The following SLC12A1 variants were observed in gnomAD, a reference collection of about 807,000 sequenced individuals.
SLC12A1 encodes Na-K-2Cl cotransporter.
In SLC12A1, 89 loss-of-function variants were observed where a neutral mutation model predicts 130.4. The observed-to-expected ratio is 0.68, with a 90% confidence interval of 0.58 to 0.81. SLC12A1 has a LOEUF of 0.81. Ranked by LOEUF, SLC12A1 falls within the 40% of genes least tolerant of loss-of-function variation. SLC12A1 has a pLI of 0.00. For missense variants in SLC12A1, 1,310 were observed against 1,336.4 expected (o/e 0.98, Z 0.31); for synonymous variants, 499 against 460.0 (o/e 1.08, Z -1.09).
chr15:48,252,703 A>T (rs1235859671), intron 15 of SLC12A1, among the ~76,000 whole-genome samples: 12 of 150,720 alleles, frequency 8.0e-5, no homozygotes, highest in Admixed American at 7.2e-4. Context: ...GGGGTTTTTT[A>T]AATTAAAAAA....
intron 14 of SLC12A1, among the ~76,000 whole-genome samples, chr15:48,250,802 C>G (rs1193892303): frequency 6.6e-6 from 1 of 152,024 alleles, no homozygotes; most frequent in East Asian, 1.9e-4. Context: ...AAATTGCTCC[C>G]AAACACTTAA....
intron 9 of SLC12A1, among the ~76,000 whole-genome samples, chr15:48,240,010 C>CATATATATATAT: frequency 1.0e-5 from 1 of 96,626 alleles, no homozygotes; most frequent in African/African-American, 4.9e-5. Flanking sequence ...ATCTGTTATC[C>CATATATATATAT]ATATATATAT....
chr15:48,232,584 C>T (rs2041394254), intron 7 of SLC12A1, 143 bp from the exon 8 acceptor site: 2 of 663,812 alleles, frequency 3.0e-6, no homozygotes, highest in African/African-American at 1.8e-5. Context: ...AATAAGGATG[C>T]ATGTATTACC....
rs374717287 is a variant in SLC12A1, at chr15:48,220,864, G to A, written c.553-57G>A. The A allele has an allele frequency of 1.1e-4, 182 of 1,610,402 alleles. 1 individual carries two copies. The African/African-American group carries it at 2.1e-3, about 18-fold the overall frequency. ...TGGGCACAGCTTTATGAAGAGCCCC[G>A]GGTTTTGTCCCACTATCGTTTGTCC... On this transcript the variant is annotated intron_variant, in intron 3 of 26. Coordinates refer to ENST00000380993, the MANE Select transcript of SLC12A1 (RefSeq NM_000338.3).
chr15:48,210,285 A>G (rs772083775), intron 2 of SLC12A1, among the ~76,000 whole-genome samples: 1 of 152,214 alleles, frequency 6.6e-6, no homozygotes, highest in Non-Finnish European at 1.5e-5. Context: ...TCTATCCCAC[A>G]ATACTCTACC....
At chr15:48,251,465 C>T (rs929554564) in intron 14 of SLC12A1, 150 bp from the exon 15 acceptor site, 5 of 670,230 alleles carry the variant, frequency 7.5e-6, no homozygotes, top group African/African-American at 7.2e-5. Context: ...GGACCCAAGA[C>T]CATAGGAAAA....
At chr15:48,223,217 T>C (rs2041238954) in intron 4 of SLC12A1, 1 of 152,176 alleles carries the variant, frequency 6.6e-6, no homozygotes, top group African/African-American at 2.4e-5. Context: ...GAGGGTAGCT[T>C]AGTTGTCTTA....
At position 48,217,892 on chromosome 15, in the gene SLC12A1, G is replaced by GA. The variant is rs1332734000; in HGVS notation, c.421-2741dup. ...CACAACTGTGGTTCACTGCAGCCTTGACCTCCCTAGCTCAAGCAATCCTCC... is the reference window on the plus strand; with the variant it reads ...CACAACTGTGGTTCACTGCAGCCTTGAACCTCCCTAGCTCAAGCAATCCTCC... On this transcript the variant is annotated intron_variant, in intron 2 of 26. Transcript: ENST00000380993. The GA allele has an allele frequency of 1.3e-5, 2 of 152,446 alleles. 1 individual carries two copies. The highest frequency in any genetic ancestry group is 1.3e-4 in the Admixed American group (2 of 15,274). 9.4% of individuals were successfully genotyped at this position (152,446 alleles called of 1,614,324 possible). A position where few individuals can be genotyped will look rare whatever the true frequency, so the allele number is the denominator to read the frequency against.
At chr15:48,235,325 G>A (rs1173427729) in intron 9 of SLC12A1, 38 of 293,936 alleles carry the variant, frequency 1.3e-4, no homozygotes, top group South Asian at 2.8e-4. Flanking sequence ...CAAATGAATA[G>A]GAATATTTTC....
chr15:48,240,108 T>C lies in SLC12A1; in HGVS notation c.1216-1407T>C, dbSNP rs1252474811. ...ATATATATCCATATATATATATATATATCCATATATATATATATAATATGC... is the reference window on the plus strand; with the variant it reads ...ATATATATCCATATATATATATATACATCCATATATATATATATAATATGC... On this transcript the variant is annotated intron_variant, in intron 9 of 26. Transcript: ENST00000380993. Among the ~76,000 whole-genome samples the C allele has an allele frequency of 3.9e-5, 5 of 128,214 alleles. 1 individual carries two copies. Among genetic ancestry groups the C allele is most frequent in the Admixed American group, 1.6e-4 (2 of 12,762 alleles). The allele number at this position is 128,214 out of a possible 152,430, so 84.1% of individuals were successfully genotyped here.
chr15:48,294,943 C>T (rs920312174), intron 24 of SLC12A1, among the ~76,000 whole-genome samples: 8 of 95,298 alleles, frequency 8.4e-5, no homozygotes, highest in African/African-American at 4.4e-4. Context: ...CAGGGTCTCA[C>T]TCTGTCGTCT....
At chr15:48,226,748 C>G in intron 5 of SLC12A1, 177 bp downstream of exon 5, 1 of 633,674 alleles carries the variant, frequency 1.6e-6, no homozygotes, top group Non-Finnish European at 2.8e-6. Context: ...CAGGTCTACT[C>G]TGGTCTCTTT....
intron 13 of SLC12A1, 102 bp from the exon 14 acceptor site, chr15:48,249,473 G>T: frequency 1.1e-6 from 1 of 901,164 alleles, no homozygotes; most frequent in South Asian, 1.4e-5. Flanking sequence ...TGCTCGCTAT[G>T]TTTTCAATTT....
At chr15:48,232,176 T>C (rs577618087) in intron 7 of SLC12A1, among the ~76,000 whole-genome samples, 2 of 152,200 alleles carry the variant, frequency 1.3e-5, no homozygotes, top group African/African-American at 4.8e-5. Flanking sequence ...CACCAAGCCA[T>C]AAACACCTTG....
intron 26 of SLC12A1, 128 bp from the exon 27 acceptor site, chr15:48,302,622 G>A (rs1229450231): frequency 5.0e-5 from 11 of 219,868 alleles, no homozygotes; most frequent in Non-Finnish European, 7.4e-5. Context: ...GCGAGACTCC[G>A]TCTCAAAAAA....
At chr15:48,240,674 G>T (rs1224103767) in intron 9 of SLC12A1, among the ~76,000 whole-genome samples, 2 of 152,120 alleles carry the variant, frequency 1.3e-5, no homozygotes, top group Admixed American at 1.3e-4. Flanking sequence ...TGCTGAGATT[G>T]TACCTTCTTC....
chr15:48,242,566 G>C (rs537168865), intron 10 of SLC12A1, among the ~76,000 whole-genome samples: 1 of 152,316 alleles, frequency 6.6e-6, no homozygotes, highest in East Asian at 1.9e-4. Context: ...AATTTGGGGG[G>C]CTGAGGCCAG....
intron 19 of SLC12A1, among the ~76,000 whole-genome samples, chr15:48,270,168 G>A (rs552313920): frequency 1.3e-5 from 2 of 152,254 alleles, no homozygotes; most frequent in East Asian, 3.9e-4. Flanking sequence ...CACTATCCCA[G>A]AGCCCTATAT....
intron 15 of SLC12A1, 79 bp downstream of exon 15, chr15:48,251,849 T>C (rs2041652622): frequency 5.5e-6 from 7 of 1,276,754 alleles, no homozygotes; most frequent in Non-Finnish European, 7.8e-6. Flanking sequence ...TTGAGCAGCT[T>C]CTATGGGCTT....
Sources: gnomAD v4.1 joint callset for allele counts (sites outside exome capture counted in the v4.1 genomes callset) on GRCh38, gnomAD v4.1.1 for gene constraint, MANE v1.5 for transcripts, NCBI Gene and HGNC (gene_info 2026-07-23, HGNC 2026-07-21) for gene names.